Variants in VWC2 observed in about 807,000 individuals in gnomAD.
The protein encoded by VWC2 is brorin.
In VWC2, 14 loss-of-function variants were observed where a neutral mutation model predicts 29.8. That is an observed-to-expected ratio of 0.47 (90% CI 0.31 to 0.74). The LOEUF is 0.74. Ranked by LOEUF, VWC2 falls within the 30% of genes least tolerant of loss-of-function variation. The probability of loss-of-function intolerance (pLI) is 0.05; values close to 1 mark genes in which losing one functional copy is unlikely to be tolerated. For missense variants in VWC2, 457 were observed against 459.8 expected (o/e 0.99, Z 0.05); for synonymous variants, 213 against 199.0 (o/e 1.07, Z -0.59).
intron 3 of VWC2, among the ~76,000 whole-genome samples, chr7:49,840,860 C>T (rs1356580550): frequency 6.6e-6 from 1 of 152,078 alleles, no homozygotes; most frequent in Non-Finnish European, 1.5e-5. Flanking sequence ...CTCTGACCCC[C>T]GAGTCAGAGC....
At position 49,916,602 on chromosome 7, in the gene VWC2, GT is replaced by G. The variant is rs1185332652; in HGVS notation, c.*4420del. On this transcript the variant is annotated 3_prime_UTR_variant, in exon 4 of 4. Coordinates refer to ENST00000340652, the MANE Select transcript of VWC2 (RefSeq NM_198570.5). Reference sequence around the variant, plus strand: ...CTTCTATTATTTACAAATCCCTTTAGTTTGGGCTGTGAAATATTCAATTCCC... The same window carrying G: ...CTTCTATTATTTACAAATCCCTTTAGTTGGGCTGTGAAATATTCAATTCCC... The G allele has an allele frequency of 6.6e-6, 1 of 152,098 alleles. No individual in the cohort carries two copies. The highest frequency in any genetic ancestry group is 1.5e-5 in the Non-Finnish European group (1 of 68,000). The allele number at this position is 152,098 out of a possible 1,614,324, so 9.4% of individuals were successfully genotyped here. A position where few individuals can be genotyped will look rare whatever the true frequency, so the allele number is the denominator to read the frequency against.
chr7:49,868,763 G>A (rs529368833), intron 3 of VWC2, among the ~76,000 whole-genome samples: 20 of 152,192 alleles, frequency 1.3e-4, no homozygotes, highest in African/African-American at 3.4e-4. Context: ...GATTACAGGC[G>A]TGTGCCACCA....
chr7:49,788,428 TTC>T (rs2128702934), intron 2 of VWC2, among the ~76,000 whole-genome samples: 1 of 151,554 alleles, frequency 6.6e-6, no homozygotes, highest in African/African-American at 2.4e-5. Context: ...AGCACTGTAG[TTC>T]TGTTTTCCCC....
At chr7:49,809,923 T>C (rs1048572180) in intron 3 of VWC2, among the ~76,000 whole-genome samples, 1 of 152,032 alleles carries the variant, frequency 6.6e-6, no homozygotes, top group Non-Finnish European at 1.5e-5. Context: ...CTATTATGAA[T>C]ACTCTCTCAA....
chr7:49,775,286 G>T, intron 1 of VWC2, 47 bp from the exon 2 acceptor site: 1 of 410,258 alleles, frequency 2.4e-6, no homozygotes, highest in Admixed American at 4.9e-5. Flanking sequence ...GCGGGCCGGG[G>T]CGCGCGCGGG....
At position 49,775,730 on chromosome 7, in the gene VWC2, T is replaced by C; in HGVS notation, c.295T>C (p.Ser99Pro). Residue 99 changes from serine (S) to proline (P), a missense_variant, in exon 2 of 4, where the codon TCC becomes CCC. By Grantham distance (74) the Ser-to-Pro change is moderately conservative. Around this residue, in one of 2 missense-constraint regions of VWC2, gnomAD observed 272 missense variants for 202.7 expected, o/e 1.34. Coordinates refer to ENST00000340652, the MANE Select transcript of VWC2 (RefSeq NM_198570.5). Reference sequence around the variant, plus strand: ...GAGCAAGCTGAAGCAGGCCTGGGTCTCCCAGGGCGGGGGCGCCAAGGCCGG... The same window carrying C: ...GAGCAAGCTGAAGCAGGCCTGGGTCCCCCAGGGCGGGGGCGCCAAGGCCGG... ...PWSKLKQAWV[S>P]QGGGAKAGDL... 2 of 1,515,154 alleles carry C rather than the reference T, an allele frequency of 1.3e-6. No individual in the cohort carries two copies. Among genetic ancestry groups the C allele is most frequent in the Non-Finnish European group, 1.8e-6 (2 of 1,134,604 alleles). The allele number at this position is 1,515,154 out of a possible 1,614,324, so 93.9% of individuals were successfully genotyped here. A position where few individuals can be genotyped will look rare whatever the true frequency, so the allele number is the denominator to read the frequency against.
intron 3 of VWC2, among the ~76,000 whole-genome samples, chr7:49,851,140 C>T (rs1234528771): frequency 6.6e-6 from 1 of 152,186 alleles, no homozygotes; most frequent in Admixed American, 6.5e-5. Flanking sequence ...CCCTGGGCTT[C>T]CTGGGTTTTA....
chr7:49,803,672 G>A (rs141544367), intron 3 of VWC2, among the ~76,000 whole-genome samples: 128 of 152,232 alleles, frequency 8.4e-4, no homozygotes, highest in African/African-American at 2.9e-3. Context: ...TGATGCTGTC[G>A]GCCGTTCATG....
chr7:49,807,195 A>G (rs775101476), intron 3 of VWC2, among the ~76,000 whole-genome samples: 3 of 152,228 alleles, frequency 2.0e-5, no homozygotes, highest in East Asian at 1.9e-4. Context: ...GAAAGACTCA[A>G]TAACACAAAG....
intron 3 of VWC2, among the ~76,000 whole-genome samples, chr7:49,866,068 G>C (rs145028980): frequency 6.6e-6 from 1 of 152,224 alleles, no homozygotes; most frequent in East Asian, 1.9e-4. Flanking sequence ...CCAGTGGAGA[G>C]ATTAGAAATG....
intron 3 of VWC2, among the ~76,000 whole-genome samples, chr7:49,814,526 T>C (rs762723442): frequency 3.3e-5 from 5 of 152,176 alleles, no homozygotes; most frequent in Non-Finnish European, 7.3e-5. Flanking sequence ...TGGGGCAGAA[T>C]CTTATTTTTA....
chr7:49,889,995 G>A (rs1792064004), intron 3 of VWC2, among the ~76,000 whole-genome samples: 2 of 152,070 alleles, frequency 1.3e-5, no homozygotes, highest in African/African-American at 4.8e-5. Flanking sequence ...CTAATTCTAG[G>A]TTTCAGTTTT....
At chr7:49,880,473 T>A (rs1394274111) in intron 3 of VWC2, among the ~76,000 whole-genome samples, 1 of 151,990 alleles carries the variant, frequency 6.6e-6, no homozygotes, top group Non-Finnish European at 1.5e-5. Context: ...GAAGATTTTT[T>A]ATTATGGATT....
At chr7:49,782,393 C>G (rs1330272825) in intron 2 of VWC2, among the ~76,000 whole-genome samples, 1 of 152,134 alleles carries the variant, frequency 6.6e-6, no homozygotes, top group African/African-American at 2.4e-5. Context: ...GTCCCATGCT[C>G]TCCAGTCCTT....
intron 3 of VWC2, among the ~76,000 whole-genome samples, chr7:49,853,900 T>C (rs571618808): frequency 2.2e-5 from 3 of 135,672 alleles, no homozygotes; most frequent in African/African-American, 5.5e-5. Context: ...GTGTGTGATG[T>C]TCCCCTTCCT....
rs1006316402 is a variant in VWC2 at position 49,875,049 on chromosome 7, GA to G, written c.827-36975del. Among the ~76,000 whole-genome samples the G allele has an allele frequency of 4.4e-3, 651 of 146,938 alleles. 6 individuals carry two copies. The highest frequency in any genetic ancestry group is 9.8e-3 in the African/African-American group (395 of 40,226). ...AAACAGTTTATGAACTTGTTTCTGTGAAAAAAAAAAGAGCTTCCAACATAAA... is the reference window on the plus strand; with the variant it reads ...AAACAGTTTATGAACTTGTTTCTGTGAAAAAAAAAGAGCTTCCAACATAAA... On this transcript the variant is annotated intron_variant, in intron 3 of 3. Coordinates refer to ENST00000340652, the MANE Select transcript of VWC2 (RefSeq NM_198570.5).
intron 3 of VWC2, among the ~76,000 whole-genome samples, chr7:49,816,797 C>T (rs1789157140): frequency 6.6e-6 from 1 of 152,246 alleles, no homozygotes; most frequent in African/African-American, 2.4e-5. Flanking sequence ...TGGAGCTAGA[C>T]TGGCACATTC....
chr7:49,874,894 A>G (rs955663101), intron 3 of VWC2, among the ~76,000 whole-genome samples: 2 of 152,102 alleles, frequency 1.3e-5, no homozygotes, highest in African/African-American at 4.8e-5. Flanking sequence ...GGTTCTTCCT[A>G]TTTGTATGAG....
chr7:49,786,445 A>G (rs953935601), intron 2 of VWC2, among the ~76,000 whole-genome samples: 1 of 152,222 alleles, frequency 6.6e-6, no homozygotes, highest in Non-Finnish European at 1.5e-5. Flanking sequence ...CAATGAACAT[A>G]GGAGTGCATG....
Sources: allele counts gnomAD v4.1 joint callset (sites outside exome capture counted in the v4.1 genomes callset), GRCh38; gene constraint gnomAD v4.1.1; regional missense constraint gnomAD v4.1.1; transcripts MANE v1.5; gene names NCBI Gene and HGNC (gene_info 2026-07-23, HGNC 2026-07-21).